RALGPS1: variants seen among roughly 807,000 people sequenced by gnomAD.
The protein encoded by RALGPS1 is ras-specific guanine nucleotide-releasing factor RalGPS1.
In RALGPS1, 19 loss-of-function variants were observed where a neutral mutation model predicts 78.8. The ratio of observed to expected loss-of-function variants is 0.24; its 90% confidence interval spans 0.17 to 0.35. The LOEUF (loss-of-function observed/expected upper bound fraction) is 0.35. RALGPS1 is among the 10% of genes least tolerant of loss of function. RALGPS1 has a pLI of 1.00. For synonymous variants in RALGPS1, 228 were observed against 256.3 expected, an observed-to-expected ratio of 0.89 and a Z score of 1.06; for missense variants, 454 against 688.3, an observed-to-expected ratio of 0.66 and a Z score of 3.81.
At chr9:126,991,124 T>G (rs529521195) in intron 4 of RALGPS1, among the ~76,000 whole-genome samples, 1 of 152,296 alleles carries the variant, frequency 6.6e-6, no homozygotes, top group South Asian at 2.1e-4. Context: ...CCGCTCTGAG[T>G]TCACATTTGT....
chr9:127,202,516 G>C (rs1305506005), intron 14 of RALGPS1, among the ~76,000 whole-genome samples: 1 of 152,204 alleles, frequency 6.6e-6, no homozygotes, highest in Non-Finnish European at 1.5e-5. Flanking sequence ...TGTGGAACAA[G>C]GGTGCAGAGA....
intron 1 of RALGPS1, among the ~76,000 whole-genome samples, chr9:126,939,376 G>A (rs544145144): frequency 7.2e-5 from 11 of 152,336 alleles, no homozygotes; most frequent in Admixed American, 5.2e-4. Context: ...TGGGCACTGT[G>A]CTGGAAACTG....
intron 5 of RALGPS1, among the ~76,000 whole-genome samples, chr9:127,037,446 C>T (rs2046957745): frequency 6.6e-6 from 1 of 152,238 alleles, no homozygotes; most frequent in Non-Finnish European, 1.5e-5. Flanking sequence ...CTCATGGACA[C>T]ATTTTATAGT....
chr9:126,968,818 G>A (rs761632568), intron 3 of RALGPS1, among the ~76,000 whole-genome samples: 7 of 152,234 alleles, frequency 4.6e-5, no homozygotes, highest in Non-Finnish European at 1.0e-4. Context: ...GGAGGCTGAG[G>A]CGGGTGGATC....
chr9:127,033,887 G>A (rs1019520046), intron 4 of RALGPS1, among the ~76,000 whole-genome samples: 2 of 152,188 alleles, frequency 1.3e-5, no homozygotes, highest in African/African-American at 4.8e-5. Flanking sequence ...CTTTCCTTCT[G>A]CATGCTTTTG....
At chr9:126,943,692 C>T (rs2036984895) in intron 1 of RALGPS1, among the ~76,000 whole-genome samples, 1 of 152,098 alleles carries the variant, frequency 6.6e-6, no homozygotes, top group African/African-American at 2.4e-5. Context: ...GGGGTGTGCC[C>T]TTTACTCCTG....
At chr9:126,954,821 C>A (rs4837122) in intron 1 of RALGPS1, among the ~76,000 whole-genome samples, 26,344 of 152,136 alleles carry the variant, frequency 0.17, 3,003 homozygotes, top group East Asian at 0.44. Context: ...AAGGAAGAAC[C>A]TCTCTAGCAT....
At chr9:127,158,051 A>G (rs1010991750) in intron 8 of RALGPS1, among the ~76,000 whole-genome samples, 1 of 152,028 alleles carries the variant, frequency 6.6e-6, no homozygotes, top group South Asian at 2.1e-4. Flanking sequence ...TATTAATGTG[A>G]TTGGTCTCTG....
intron 5 of RALGPS1, among the ~76,000 whole-genome samples, chr9:127,036,377 C>T (rs2134739465): frequency 6.6e-6 from 1 of 152,332 alleles, no homozygotes; most frequent in Non-Finnish European, 1.5e-5. Flanking sequence ...TCATCAGACT[C>T]CAAATAAAAG....
At chr9:127,118,878 G>A (rs1018657765) in intron 8 of RALGPS1, among the ~76,000 whole-genome samples, 9 of 152,196 alleles carry the variant, frequency 5.9e-5, no homozygotes, top group African/African-American at 2.2e-4. Flanking sequence ...TTGTTCTATT[G>A]TAGCTACCCA....
intron 8 of RALGPS1, chr9:127,107,960 T>G: frequency 6.4e-7 from 1 of 1,560,282 alleles, no homozygotes; most frequent in African/African-American, 1.4e-5. Context: ...AGAGTGGGCA[T>G]AGTGGGCAGA....
At position 127,072,985 on chromosome 9, in the gene RALGPS1, G is replaced by A. The variant is rs114793267; in HGVS notation, c.610+3629G>A. 4.7e-3 allele frequency among the ~76,000 whole-genome samples: 717 copies of A among 152,232 alleles called. 7 individuals carry two copies. The highest frequency in any genetic ancestry group is 0.016 in the African/African-American group (685 of 41,534). ...TAGATAATATTTTACATATTTAAGG[G>A]TCACGTGGTATTTTGTTACATTCAT... On this transcript the variant is annotated intron_variant, in intron 8 of 18. Transcript: ENST00000259351.
At chr9:127,110,351 C>T (rs1037218141) in intron 8 of RALGPS1, among the ~76,000 whole-genome samples, 1 of 152,186 alleles carries the variant, frequency 6.6e-6, no homozygotes, top group Non-Finnish European at 1.5e-5. Context: ...GCCACCCTGC[C>T]TCCTGTCTTG....
At chr9:127,064,645 G>A (rs186595908) in intron 7 of RALGPS1, among the ~76,000 whole-genome samples, 2 of 152,268 alleles carry the variant, frequency 1.3e-5, no homozygotes, top group East Asian at 1.9e-4. Flanking sequence ...GCTTTAGACA[G>A]CATCTGGTGA....
At chr9:127,003,456 T>C (rs113083681) in intron 4 of RALGPS1, among the ~76,000 whole-genome samples, 2,681 of 149,704 alleles carry the variant, frequency 0.018, 28 homozygotes, top group Middle Eastern at 0.038. Context: ...TGAAAAAATG[T>C]TCATCATCAC....
intron 8 of RALGPS1, among the ~76,000 whole-genome samples, chr9:127,081,334 C>T (rs901426667): frequency 6.6e-6 from 1 of 152,224 alleles, no homozygotes; most frequent in African/African-American, 2.4e-5. Flanking sequence ...ACCCTCTGCC[C>T]TTGCCTCTGC....
intron 1 of RALGPS1, among the ~76,000 whole-genome samples, chr9:126,949,165 G>A (rs1299151065): frequency 6.6e-6 from 1 of 152,154 alleles, no homozygotes; most frequent in East Asian, 1.9e-4. Context: ...TGACTGCATA[G>A]TATTCCATGG....
At chr9:127,027,652 G>A (rs1265703593) in intron 4 of RALGPS1, among the ~76,000 whole-genome samples, 1 of 152,190 alleles carries the variant, frequency 6.6e-6, no homozygotes, top group Admixed American at 6.5e-5. Flanking sequence ...CAGACCAGAT[G>A]CGTATTCTCC....
intron 4 of RALGPS1, among the ~76,000 whole-genome samples, chr9:127,023,817 T>C (rs777512946): frequency 6.6e-6 from 1 of 152,070 alleles, no homozygotes; most frequent in Non-Finnish European, 1.5e-5. Flanking sequence ...GGGTGGATCA[T>C]CTGACGTCAG....
Sources: gnomAD v4.1 joint callset for allele counts (sites outside exome capture counted in the v4.1 genomes callset) on GRCh38, gnomAD v4.1.1 for gene constraint, MANE v1.5 for transcripts, NCBI Gene and HGNC (gene_info 2026-07-23, HGNC 2026-07-21) for gene names.